TANC1: variants seen among roughly 807,000 people sequenced by gnomAD.
The protein encoded by TANC1 is tetratricopeptide repeat, ankyrin repeat and coiled-coil containing 1, also known as protein TANC1.
TANC1 carries 77 observed loss-of-function variants against 149.7 expected under a neutral mutation model. That is an observed-to-expected ratio of 0.51 (90% CI 0.43 to 0.62). TANC1 has a LOEUF of 0.62. Among genes scored for constraint, TANC1 ranks in the 20% least tolerant of loss-of-function variants. The probability of loss-of-function intolerance (pLI) is 0.00; values close to 1 mark genes in which losing one functional copy is unlikely to be tolerated. For missense variants in TANC1, 1,985 were observed against 2,321.8 expected, an observed-to-expected ratio of 0.85 and a Z score of 2.98; for synonymous variants, 854 against 925.0, an observed-to-expected ratio of 0.92 and a Z score of 1.39.
At chr2:159,042,207 C>T (rs993908067) in intron 2 of TANC1, among the ~76,000 whole-genome samples, 10 of 152,172 alleles carry the variant, frequency 6.6e-5, no homozygotes, top group African/African-American at 2.4e-4. Context: ...GGCCTCCACC[C>T]AGCCTCGGCA....
chr2:159,022,268 T>C (rs192741189), intron 2 of TANC1, among the ~76,000 whole-genome samples: 3 of 152,226 alleles, frequency 2.0e-5, no homozygotes, highest in African/African-American at 7.2e-5. Flanking sequence ...AACTTGGGAG[T>C]TAAGCAAGGA....
chr2:159,212,331 A>C (rs1488505595), intron 19 of TANC1, among the ~76,000 whole-genome samples: 1 of 152,138 alleles, frequency 6.6e-6, no homozygotes, highest in African/African-American at 2.4e-5. Context: ...TTCCTTGCCT[A>C]GAGGAAAATG....
At chr2:159,018,261 A>G (rs1280898383) in intron 2 of TANC1, among the ~76,000 whole-genome samples, 1 of 152,170 alleles carries the variant, frequency 6.6e-6, no homozygotes, top group Non-Finnish European at 1.5e-5. Context: ...CATTCCCACA[A>G]GGCTTCCAGA....
chr2:159,201,531 T>C (rs755762217), intron 19 of TANC1, among the ~76,000 whole-genome samples: 1 of 152,190 alleles, frequency 6.6e-6, no homozygotes, highest in Non-Finnish European at 1.5e-5. Context: ...TGCTCGTTGC[T>C]ATAGGGACCC....
chr2:159,097,956 TAGA>T (rs779944557), intron 4 of TANC1, 122 bp downstream of exon 4: 2 of 798,360 alleles, frequency 2.5e-6, no homozygotes, highest in Non-Finnish European at 3.8e-6. Context: ...CAGTATCTTC[TAGA>T]AGAAATAAAT....
intron 4 of TANC1, among the ~76,000 whole-genome samples, chr2:159,105,768 A>G (rs2047119747): frequency 1.3e-5 from 2 of 152,244 alleles, no homozygotes; most frequent in South Asian, 2.1e-4. Flanking sequence ...TGATATTTTT[A>G]TCAGACTATG....
chr2:159,129,218 A>G (rs1260875233), intron 4 of TANC1, among the ~76,000 whole-genome samples: 1 of 152,176 alleles, frequency 6.6e-6, no homozygotes, highest in Admixed American at 6.5e-5. Context: ...TTTAACCGAA[A>G]CACTCAGAAA....
At chr2:159,053,988 G>GT (rs1395646062) in intron 2 of TANC1, among the ~76,000 whole-genome samples, 4 of 152,188 alleles carry the variant, frequency 2.6e-5, no homozygotes, top group Non-Finnish European at 4.4e-5. Flanking sequence ...AGGTGTTTTT[G>GT]TTTTTTTCAG....
chr2:159,018,594 G>A (rs1341250318), intron 2 of TANC1, among the ~76,000 whole-genome samples: 1 of 152,140 alleles, frequency 6.6e-6, no homozygotes, highest in Non-Finnish European at 1.5e-5. Flanking sequence ...TCCATCTCCA[G>A]AACTTTTTTA....
intron 4 of TANC1, among the ~76,000 whole-genome samples, chr2:159,099,459 C>T (rs1382477125): frequency 6.6e-6 from 1 of 151,612 alleles, no homozygotes; most frequent in Admixed American, 6.6e-5. Flanking sequence ...TCAGGTACGT[C>T]ATTTGTCCTT....
At chr2:159,061,531 T>C (rs540103369) in intron 2 of TANC1, among the ~76,000 whole-genome samples, 1 of 152,336 alleles carries the variant, frequency 6.6e-6, no homozygotes, top group Non-Finnish European at 1.5e-5. Flanking sequence ...CCCTTTTTGT[T>C]CAATCATGCT....
intron 2 of TANC1, among the ~76,000 whole-genome samples, chr2:159,052,294 G>C (rs1372228533): frequency 6.6e-6 from 1 of 152,156 alleles, no homozygotes; most frequent in African/African-American, 2.4e-5. Flanking sequence ...GGTTTTTGTA[G>C]ATAGTAATTT....
intron 4 of TANC1, among the ~76,000 whole-genome samples, chr2:159,133,950 A>G (rs1342580768): frequency 6.6e-6 from 1 of 152,224 alleles, no homozygotes; most frequent in Non-Finnish European, 1.5e-5. Flanking sequence ...TTATTTTTAT[A>G]GTAGTATAAA....
At chr2:159,210,893 A>G (rs1039533922) in intron 19 of TANC1, among the ~76,000 whole-genome samples, 2 of 147,494 alleles carry the variant, frequency 1.4e-5, no homozygotes, top group African/African-American at 5.0e-5. Context: ...TTTTTTTAAG[A>G]TGGAGTCTTG....
chr2:159,194,566 C>T (rs1248851786), intron 17 of TANC1, 73 bp downstream of exon 17: 8 of 1,275,512 alleles, frequency 6.3e-6, no homozygotes, highest in Non-Finnish European at 9.1e-6. Flanking sequence ...TTGTTATTTG[C>T]TGGGCCAGAC....
At chr2:158,987,415 A>C (rs187573431) in intron 1 of TANC1, among the ~76,000 whole-genome samples, 10 of 151,430 alleles carry the variant, frequency 6.6e-5, no homozygotes, top group African/African-American at 2.2e-4. Flanking sequence ...AGTTCCAGCT[A>C]CTTGGGTGGC....
rs200296673 is a variant in TANC1, at chr2:159,194,499, C to T, written c.2979+6C>T. 5.2e-4 allele frequency: 842 copies of T among 1,610,750 alleles called. 4 individuals are homozygous for T. The African/African-American group carries it at 8.9e-3, about 17-fold the overall frequency. ...TGACCAAGAAGGGAGTGAGAGTAAG[C>T]GGCAGCCTGCTCTTTTGGGGCTGGG... On this transcript the variant is annotated splice_donor_region_variant and intron_variant, in intron 17 of 26. Transcript: ENST00000263635.
At chr2:159,212,129 C>T (rs946474648) in intron 19 of TANC1, among the ~76,000 whole-genome samples, 1 of 152,210 alleles carries the variant, frequency 6.6e-6, no homozygotes, top group South Asian at 2.1e-4. Flanking sequence ...GTAGATGAAG[C>T]TTGTTTACCA....
At chr2:159,175,359 C>T (rs1292580832) in intron 12 of TANC1, among the ~76,000 whole-genome samples, 175 bp downstream of exon 12, 2 of 152,078 alleles carry the variant, frequency 1.3e-5, no homozygotes, top group Non-Finnish European at 2.9e-5. Flanking sequence ...CCCATGAGGT[C>T]GCTCCTACAC....
Sources: gnomAD v4.1 joint callset for allele counts (sites outside exome capture counted in the v4.1 genomes callset) on GRCh38, gnomAD v4.1.1 for gene constraint, MANE v1.5 for transcripts, NCBI Gene and HGNC (gene_info 2026-07-23, HGNC 2026-07-21) for gene names.